SIM1: variants seen among roughly 807,000 people sequenced by gnomAD.
SIM1 encodes the protein SIM bHLH transcription factor 1.
A neutral mutation model predicts 78.2 loss-of-function variants in SIM1; 18 were observed. The observed-to-expected ratio is 0.23, with a 90% confidence interval of 0.16 to 0.34. The LOEUF (loss-of-function observed/expected upper bound fraction) is 0.34. Ranked by LOEUF, SIM1 falls within the 10% of genes least tolerant of loss-of-function variation. The pLI is 1.00. For missense variants in SIM1, 939 were observed against 975.1 expected (o/e 0.96, Z 0.49); for synonymous variants, 417 against 385.2 (o/e 1.08, Z -0.97).
chr6:100,404,171 T>C (rs1436628209), intron 10 of SIM1, among the ~76,000 whole-genome samples: 1 of 152,194 alleles, frequency 6.6e-6, no homozygotes, highest in African/African-American at 2.4e-5. Context: ...AGTACACCCA[T>C]AGATATTCTT....
chr6:100,412,582 A>G (rs1160216548), intron 10 of SIM1, among the ~76,000 whole-genome samples: 2 of 110,456 alleles, frequency 1.8e-5, no homozygotes, highest in African/African-American at 3.2e-5. Flanking sequence ...AAAGAAAGAA[A>G]GAAAGAAAGA....
At chr6:100,422,786 A>G (rs1452718403) in intron 9 of SIM1, among the ~76,000 whole-genome samples, 3 of 152,182 alleles carry the variant, frequency 2.0e-5, no homozygotes, top group Admixed American at 1.3e-4. Context: ...ACATTGAAAC[A>G]TCATGTTGTA....
intron 2 of SIM1, among the ~76,000 whole-genome samples, chr6:100,454,700 CT>C (rs1309607363): frequency 6.6e-6 from 1 of 152,168 alleles, no homozygotes; most frequent in Non-Finnish European, 1.5e-5. Flanking sequence ...CCGTTAAGAT[CT>C]TTGGAGGCTT....
At chr6:100,433,844 G>T (rs1771971303) in intron 9 of SIM1, among the ~76,000 whole-genome samples, 1 of 150,570 alleles carries the variant, frequency 6.6e-6, no homozygotes, top group Non-Finnish European at 1.5e-5. Context: ...GTCTCTTTCA[G>T]CCACACTGTA....
rs1009651310 is a variant in SIM1 at position 100,424,562 on chromosome 6, A to C, written c.999-3604T>G. ...GTGATCCTCCCACCTCAGCCTCCCA[A>C]GTTGCTGGGACTACAGGCATGCACC... On this transcript the variant is annotated intron_variant, in intron 9 of 11. Coordinates refer to ENST00000369208, the MANE Select transcript of SIM1 (RefSeq NM_005068.3). 2.0e-5 allele frequency among the ~76,000 whole-genome samples: 3 copies of C among 151,944 alleles called. No individual in the cohort carries two copies. The South Asian group carries it at 6.2e-4, about 32-fold the overall frequency.
chr6:100,385,613 G>C lies in SIM1; in HGVS notation c.*4748C>G, dbSNP rs1257154559. On this transcript the variant is annotated 3_prime_UTR_variant, in exon 12 of 12. Transcript: ENST00000369208. ...AGTTGCAATAAACAAAACTACAAAT[G>C]TTTGGTTTAAAATTAGCAATTAGGA... is the stretch of plus-strand genomic sequence containing the variant. The C allele has an allele frequency of 1.3e-5, 2 of 149,912 alleles. No homozygotes were observed. The highest frequency in any genetic ancestry group is 3.0e-5 in the Non-Finnish European group (2 of 67,608). 9.3% of individuals were successfully genotyped at this position (149,912 alleles called of 1,614,324 possible).
rs116435459 is a variant in SIM1, at chr6:100,420,359, G to A, written c.1167+431C>T. Among the ~76,000 whole-genome samples, 1,140 of 152,092 alleles carry A rather than the reference G, an allele frequency of 7.5e-3. 10 individuals carry two copies. Among genetic ancestry groups the A allele is most frequent in the African/African-American group, 0.026 (1,096 of 41,454 alleles). On this transcript the variant is annotated intron_variant, in intron 10 of 11. Transcript: ENST00000369208. ...AGCCAGTCTGTGTTCAAATTGCATG[G>A]GAACATGCATCCTTGATCCTTTGCC...
chr6:100,392,830 A>G (rs1441386441), intron 11 of SIM1, among the ~76,000 whole-genome samples: 1 of 152,218 alleles, frequency 6.6e-6, no homozygotes, highest in Non-Finnish European at 1.5e-5. Flanking sequence ...GAAATGAACA[A>G]AGGGAAGCAT....
intron 10 of SIM1, among the ~76,000 whole-genome samples, chr6:100,401,476 T>TA (rs1462668035): frequency 1.1e-4 from 16 of 152,226 alleles, no homozygotes; most frequent in African/African-American, 3.9e-4. Context: ...GCTGTGGTTA[T>TA]ATAAGAGAAT....
intron 10 of SIM1, among the ~76,000 whole-genome samples, chr6:100,410,423 C>T (rs1177114509): frequency 6.6e-6 from 1 of 152,154 alleles, no homozygotes; most frequent in Non-Finnish European, 1.5e-5. Flanking sequence ...TTTTTTGACA[C>T]TAACTCTTCC....
At position 100,449,441 on chromosome 6, in the gene SIM1, C is replaced by G; in HGVS notation, c.465G>C (p.Glu155Asp). ...TCCTCAGGAAGAAGGAGCGCTCGAT[C>G]TCATACTCTGGGAGAGAGGAACGAA... ...PYHSHFVQEYEIERSFFLRMK... is the reference protein window; with the variant it reads ...PYHSHFVQEYDIERSFFLRMK... The change falls in exon 6 of 12, where the codon GAG (glutamate) becomes GAC (aspartate). Residue 155 changes from glutamate to aspartate, a missense_variant. Transcript: ENST00000369208. 1 of 1,613,976 alleles carries G rather than the reference C, an allele frequency of 6.2e-7. No individual in the cohort carries two copies. The highest frequency in any genetic ancestry group is 8.5e-7 in the Non-Finnish European group (1 of 1,179,846).
chr6:100,440,956 G>A (rs1432084524), intron 9 of SIM1, among the ~76,000 whole-genome samples: 1 of 151,708 alleles, frequency 6.6e-6, no homozygotes, highest in Admixed American at 6.6e-5. Context: ...TTCAAGTAAA[G>A]CCTCCCTTGA....
intron 10 of SIM1, among the ~76,000 whole-genome samples, chr6:100,395,697 C>A (rs910043775): frequency 6.6e-6 from 1 of 152,130 alleles, no homozygotes; most frequent in East Asian, 1.9e-4. Flanking sequence ...CTTCATAGGA[C>A]AAAACAAACT....
At chr6:100,437,272 C>A (rs1772080892) in intron 9 of SIM1, 1 of 152,122 alleles carries the variant, frequency 6.6e-6, no homozygotes, top group Non-Finnish European at 1.5e-5. Flanking sequence ...AAACATCCAA[C>A]TAAGAAGCCT....
At chr6:100,427,360 A>G (rs1771763381) in intron 9 of SIM1, 1 of 152,242 alleles carries the variant, frequency 6.6e-6, no homozygotes, top group Admixed American at 6.5e-5. Context: ...TGGTGATTTT[A>G]ATAGTTTTCC....
chr6:100,391,952 T>C (rs1770650318), intron 11 of SIM1, among the ~76,000 whole-genome samples: 1 of 152,096 alleles, frequency 6.6e-6, no homozygotes, highest in Non-Finnish European at 1.5e-5. Context: ...GTGGATGGAT[T>C]ACCTGAGGTC....
At chr6:100,442,772 A>G (rs1772249087) in intron 9 of SIM1, among the ~76,000 whole-genome samples, 1 of 152,078 alleles carries the variant, frequency 6.6e-6, no homozygotes, top group African/African-American at 2.4e-5. Flanking sequence ...TAATAATAAT[A>G]ATATATCACT....
chr6:100,410,717 T>A (rs550728117), intron 10 of SIM1, among the ~76,000 whole-genome samples: 1 of 152,238 alleles, frequency 6.6e-6, no homozygotes, highest in African/African-American at 2.4e-5. Flanking sequence ...ATGAGGTGGC[T>A]CTGTAGGTAT....
At chr6:100,441,817 G>A (rs1772225086) in intron 9 of SIM1, among the ~76,000 whole-genome samples, 1 of 152,092 alleles carries the variant, frequency 6.6e-6, no homozygotes, top group Admixed American at 6.6e-5. Context: ...CCACAAAGAG[G>A]CAGCTTCTTA....
Sources: gnomAD v4.1 joint callset for allele counts (sites outside exome capture counted in the v4.1 genomes callset) on GRCh38, gnomAD v4.1.1 for gene constraint, MANE v1.5 for transcripts, NCBI Gene and HGNC (gene_info 2026-07-23, HGNC 2026-07-21) for gene names.